The following CPVL variants were observed in gnomAD, a reference collection of about 807,000 sequenced individuals.
The protein encoded by CPVL is carboxypeptidase vitellogenic like, also known as probable serine carboxypeptidase CPVL.
In CPVL, 51 loss-of-function variants were observed where a neutral mutation model predicts 63.7. The observed-to-expected ratio is 0.80, with a 90% CI of 0.64 to 1.01. The LOEUF (loss-of-function observed/expected upper bound fraction) is 1.01. Ranked by LOEUF, CPVL falls within the 50% of genes least tolerant of loss-of-function variation. The pLI is 0.00. For synonymous variants in CPVL, 195 were observed against 206.0 expected, an observed-to-expected ratio of 0.95 and a Z score of 0.46; for missense variants, 530 against 573.1, an observed-to-expected ratio of 0.92 and a Z score of 0.77.
At chr7:29,173,414 C>T (rs1389526001) in intron 5 of CPVL, among the ~76,000 whole-genome samples, 1 of 152,058 alleles carries the variant, frequency 6.6e-6, no homozygotes, top group African/African-American at 2.4e-5. Context: ...AGGATTTCTG[C>T]TCCTGCTTGG....
chr7:29,069,827 T>TGTGTGTGTGTGTGTGTGTGCGCGC (rs1554335163), intron 9 of CPVL, among the ~76,000 whole-genome samples: 13 of 135,482 alleles, frequency 9.6e-5, no homozygotes, highest in African/African-American at 3.6e-4. Flanking sequence ...TGTGTGTGTG[T>TGTGTGTGTGTGTGTGTGTGCGCGC]GCATGTAAAT....
intron 1 of CPVL, among the ~76,000 whole-genome samples, chr7:29,128,714 C>CA (rs60764606): frequency 0.013 from 1,668 of 133,382 alleles, 30 homozygotes; most frequent in African/African-American, 0.029. Flanking sequence ...GACTCTGTCT[C>CA]AAAAAAAAAA....
At position 29,095,076 on chromosome 7, in the gene CPVL, G is replaced by A. The variant is rs749536934; in HGVS notation, c.462+8C>T. 17 of 1,611,394 alleles carry A rather than the reference G, an allele frequency of 1.1e-5. No individual in the cohort carries two copies. In the African/African-American group the frequency reaches 1.1e-4, roughly 10 times the overall value. ...CACTGACAGCTCACAGGGTCATCCCGGACTTACTGGATTGTCAATGTAAAG... is the reference window on the plus strand; with the variant it reads ...CACTGACAGCTCACAGGGTCATCCCAGACTTACTGGATTGTCAATGTAAAG... On this transcript the variant is annotated splice_region_variant and intron_variant, in intron 5 of 12. Transcript: ENST00000265394.
At chr7:29,136,677 G>C (rs920861612) in intron 1 of CPVL, among the ~76,000 whole-genome samples, 11 of 152,106 alleles carry the variant, frequency 7.2e-5, no homozygotes, top group Admixed American at 4.6e-4. Context: ...GTGGGGAGAA[G>C]AAGACTAAAA....
At chr7:29,048,466 G>T (rs1238427463) in intron 11 of CPVL, among the ~76,000 whole-genome samples, 1 of 152,042 alleles carries the variant, frequency 6.6e-6, no homozygotes, top group Non-Finnish European at 1.5e-5. Context: ...AGACAAAGAA[G>T]GACATTATAT....
intron 12 of CPVL, among the ~76,000 whole-genome samples, chr7:29,007,162 A>G (rs1253923390): frequency 2.6e-5 from 4 of 152,216 alleles, no homozygotes; most frequent in African/African-American, 7.2e-5. Flanking sequence ...CAGCCAAGAG[A>G]AAGTTACGCA....
At chr7:29,036,409 C>T (rs1788534148) in intron 11 of CPVL, among the ~76,000 whole-genome samples, 2 of 152,138 alleles carry the variant, frequency 1.3e-5, no homozygotes, top group Non-Finnish European at 2.9e-5. Flanking sequence ...TGGAGAGACT[C>T]GACACAGCAC....
intron 11 of CPVL, among the ~76,000 whole-genome samples, chr7:29,058,490 T>C (rs189423075): frequency 1.0e-3 from 156 of 152,232 alleles, no homozygotes; most frequent in African/African-American, 3.4e-3. Flanking sequence ...TCCAATGCTC[T>C]TCTTCTCTTT....
chr7:29,156,624 T>TC (rs1584463650), intron 5 of CPVL, among the ~76,000 whole-genome samples: 2 of 152,360 alleles, frequency 1.3e-5, no homozygotes, highest in East Asian at 3.9e-4. Context: ...GGGTTTTTTT[T>TC]CCTCTTTAGA....
At chr7:29,013,851 C>T (rs1446800754) in intron 12 of CPVL, among the ~76,000 whole-genome samples, 2 of 152,200 alleles carry the variant, frequency 1.3e-5, no homozygotes, top group African/African-American at 4.8e-5. Flanking sequence ...CCTGGGGCAG[C>T]CCAAATTTGG....
intron 5 of CPVL, among the ~76,000 whole-genome samples, chr7:29,151,938 A>G (rs147552769): frequency 2.4e-4 from 37 of 152,372 alleles, no homozygotes; most frequent in Non-Finnish European, 4.1e-4. Context: ...ACAAACAGAT[A>G]GTAAACAAAC....
intron 9 of CPVL, among the ~76,000 whole-genome samples, chr7:29,067,247 A>G (rs1174185309): frequency 6.6e-6 from 1 of 152,200 alleles, no homozygotes; most frequent in Non-Finnish European, 1.5e-5. Flanking sequence ...AGGTCCCAAA[A>G]GGATCGTCAA....
chr7:29,109,784 G>C (rs1788075199), intron 3 of CPVL, among the ~76,000 whole-genome samples: 1 of 152,112 alleles, frequency 6.6e-6, no homozygotes, highest in Non-Finnish European at 1.5e-5. Context: ...TGTGTTTATG[G>C]CTACAGTACT....
rs60066489 is a variant in CPVL at position 29,171,770 on chromosome 7, A to G, written c.-11+9520T>C. ...CATTTTCATTTTTCCATAATATAATACATGCCTATCAAATCCATCTAACAT... is the reference window on the plus strand; with the variant it reads ...CATTTTCATTTTTCCATAATATAATGCATGCCTATCAAATCCATCTAACAT... On this transcript the variant is annotated intron_variant, in intron 5 of 16. Coordinates refer to the CPVL transcript ENST00000409850. Among the ~76,000 whole-genome samples, 919 of 152,362 alleles carry G rather than the reference A, an allele frequency of 6.0e-3. 10 individuals are homozygous for G. Among genetic ancestry groups the G allele is most frequent in the African/African-American group, 0.02 (833 of 41,582 alleles).
chr7:29,005,467 C>G (rs1785099126), intron 12 of CPVL, among the ~76,000 whole-genome samples: 1 of 152,112 alleles, frequency 6.6e-6, no homozygotes, highest in Admixed American at 6.6e-5. Context: ...CCTCCCTTTC[C>G]TTGGAAAAGG....
chr7:29,103,179 CT>C (rs1244965251), intron 3 of CPVL, among the ~76,000 whole-genome samples: 30 of 6,566 alleles, frequency 4.6e-3, no homozygotes, highest in Non-Finnish European at 5.6e-3. Context: ...AGTTAATATA[CT>C]GGGGGGGGGG....
rs547794773 is a variant in CPVL, at chr7:29,194,728, C to A, written c.-448+349G>T. 13 of 431,614 alleles carry A rather than the reference C, an allele frequency of 3.0e-5. 1 individual carries two copies. In the South Asian group the frequency reaches 7.6e-4, roughly 25 times the overall value. The allele number at this position is 431,614 out of a possible 1,614,324, so 26.7% of individuals were successfully genotyped here. A position where few individuals can be genotyped will look rare whatever the true frequency, so the allele number is the denominator to read the frequency against. ...TAGAAAAGCGTGCAAAGGCGCGGAG[C>A]GGGACGGAAACCACAAATAAATAGC... On this transcript the variant is annotated intron_variant, in intron 1 of 16. Coordinates refer to the CPVL transcript ENST00000409850.
chr7:29,027,387 A>G (rs1231183436), intron 12 of CPVL, among the ~76,000 whole-genome samples: 1 of 152,202 alleles, frequency 6.6e-6, no homozygotes, highest in African/African-American at 2.4e-5. Flanking sequence ...GAATAGGGAA[A>G]AGCTGAAAGC....
intron 5 of CPVL, among the ~76,000 whole-genome samples, chr7:29,180,514 C>A (rs1037476486): frequency 6.7e-6 from 1 of 150,190 alleles, no homozygotes; most frequent in East Asian, 2.0e-4. Flanking sequence ...AGCGACAGAG[C>A]GACAGAGCAA....
Sources: gnomAD v4.1 joint callset for allele counts (sites outside exome capture counted in the v4.1 genomes callset) on GRCh38, gnomAD v4.1.1 for gene constraint, MANE v1.5 for transcripts, NCBI Gene and HGNC (gene_info 2026-07-23, HGNC 2026-07-21) for gene names.